The following GABRG1 variants were observed in gnomAD, a reference collection of about 807,000 sequenced individuals.
GABRG1 encodes gamma-aminobutyric acid type A receptor subunit gamma1.
Under a neutral mutation model 49.8 loss-of-function variants are expected in GABRG1, and 49 were observed. The observed-to-expected ratio is 0.98, with a 90% CI of 0.78 to 1.25. GABRG1 has a LOEUF of 1.25. Among genes scored for constraint, GABRG1 ranks in the 50% most tolerant of loss-of-function variants. The pLI, the probability that GABRG1 is intolerant of heterozygous loss-of-function variation, is 0.00. For missense variants in GABRG1, 552 were observed against 552.3 expected (o/e 1.00, Z 0.01); for synonymous variants, 232 against 185.1 (o/e 1.25, Z -2.06).
intron 7 of GABRG1, among the ~76,000 whole-genome samples, chr4:46,052,778 A>T (rs571537025): frequency 1.3e-5 from 2 of 152,062 alleles, no homozygotes; most frequent in East Asian, 3.9e-4. Flanking sequence ...GACAACATTT[A>T]TGATGAAAAG....
intron 3 of GABRG1, among the ~76,000 whole-genome samples, chr4:46,078,049 A>G (rs987441392): frequency 6.6e-6 from 1 of 151,780 alleles, no homozygotes; most frequent in Non-Finnish European, 1.5e-5. Flanking sequence ...ATTTTAAAAT[A>G]AGATCTGTTA....
At chr4:46,096,078 T>C (rs929680527) in intron 2 of GABRG1, among the ~76,000 whole-genome samples, 2 of 151,856 alleles carry the variant, frequency 1.3e-5, no homozygotes, top group Admixed American at 1.3e-4. Context: ...TTTTGTGTTC[T>C]TGTGTTAGTT....
intron 2 of GABRG1, among the ~76,000 whole-genome samples, chr4:46,084,840 T>A (rs2109423449): frequency 6.6e-6 from 1 of 151,788 alleles, no homozygotes; most frequent in South Asian, 2.1e-4. Flanking sequence ...TTTTACAATT[T>A]AACATAGGCT....
chr4:46,043,335 T>A (rs1717858285), intron 8 of GABRG1, among the ~76,000 whole-genome samples: 1 of 151,946 alleles, frequency 6.6e-6, no homozygotes, highest in Admixed American at 6.6e-5. Context: ...GAAATACATT[T>A]TAAATTGGCA....
intron 5 of GABRG1, among the ~76,000 whole-genome samples, chr4:46,062,722 C>G (rs1718748563): frequency 1.3e-5 from 2 of 152,150 alleles, no homozygotes; most frequent in Non-Finnish European, 2.9e-5. Context: ...AAGAGGAAGT[C>G]AAATTGTCCC....
intron 7 of GABRG1, among the ~76,000 whole-genome samples, chr4:46,057,580 G>A (rs1340850982): frequency 2.6e-5 from 4 of 151,988 alleles, no homozygotes; most frequent in African/African-American, 7.2e-5. Context: ...GCAATAGATT[G>A]TTACAGAAAA....
At chr4:46,097,178 C>A in intron 2 of GABRG1, 23 bp downstream of exon 2, 1 of 1,581,372 alleles carries the variant, frequency 6.3e-7, no homozygotes, top group East Asian at 2.3e-5. Context: ...CATCAAAATC[C>A]CAGAATGGTA....
rs1317846659 is a variant in GABRG1 at position 46,038,562 on chromosome 4, A to C, written c.*2426T>G. 2 of 151,680 alleles carry C rather than the reference A, an allele frequency of 1.3e-5. No individual in the cohort carries two copies. Among genetic ancestry groups the C allele is most frequent in the East Asian group, 3.9e-4 (2 of 5,174 alleles). The allele number at this position is 151,680 out of a possible 1,614,324, so 9.4% of individuals were successfully genotyped here. A position where few individuals can be genotyped will look rare whatever the true frequency, so the allele number is the denominator to read the frequency against. On this transcript the variant is annotated 3_prime_UTR_variant, in exon 9 of 9. Transcript: ENST00000295452. Reference sequence around the variant, plus strand: ...AGAGAAAGAGGAAGATTTTTTAAAAAAATTATTTCTCAAGGTGGTGAAACT... The same window carrying C: ...AGAGAAAGAGGAAGATTTTTTAAAACAATTATTTCTCAAGGTGGTGAAACT...
chr4:46,095,375 C>A (rs935351431), intron 2 of GABRG1, among the ~76,000 whole-genome samples: 3 of 151,580 alleles, frequency 2.0e-5, no homozygotes, highest in African/African-American at 7.3e-5. Flanking sequence ...GAAGTAAATG[C>A]ATTTTCCCAA....
At chr4:46,043,766 A>T (rs1717875309) in intron 8 of GABRG1, among the ~76,000 whole-genome samples, 2 of 152,058 alleles carry the variant, frequency 1.3e-5, no homozygotes, top group African/African-American at 2.4e-5. Flanking sequence ...AAATTTCAAA[A>T]ATTACTAAGA....
intron 3 of GABRG1, among the ~76,000 whole-genome samples, chr4:46,065,869 C>G (rs1718899394): frequency 6.6e-6 from 1 of 152,042 alleles, no homozygotes; most frequent in African/African-American, 2.4e-5. Flanking sequence ...ACAACAGGCA[C>G]CCGCCACCAC....
At position 46,123,871 on chromosome 4, in the gene GABRG1, G is replaced by A; in HGVS notation, c.43C>T (p.Arg15Trp). The A allele has an allele frequency of 6.2e-7, 1 of 1,613,618 alleles. No individual in the cohort carries two copies. Among genetic ancestry groups the A allele is most frequent in the Non-Finnish European group, 8.5e-7 (1 of 1,179,742 alleles). The change falls in exon 1 of 9, where the codon CGG (arginine) becomes TGG (tryptophan). Residue 15 changes from arginine to tryptophan, a missense_variant. Arg to Trp is a moderately radical substitution (Grantham distance 101). Coordinates refer to ENST00000295452, the MANE Select transcript of GABRG1 (RefSeq NM_173536.4). ...AACCTCACCCCTCTACTTTGACTCC[G>A]CAGAAGAAAAGGGGAGAAGAGAAAA... The part of the protein sequence containing the change: ...KAFLFSPFLL[R>W]SQSRGVRLVF...
At chr4:46,047,098 T>C (rs879374564) in intron 8 of GABRG1, among the ~76,000 whole-genome samples, 11 of 152,112 alleles carry the variant, frequency 7.2e-5, no homozygotes, top group African/African-American at 1.4e-4. Flanking sequence ...TTCAATATGA[T>C]AGCCGTAAGT....
Position 46,117,578 on chromosome 4 carries a change from C to CTCTGTCTCTCTCTTTCTG in GABRG1, c.104+6231_104+6232insCAGAAAGAGAGAGACAGA, listed in dbSNP as rs1553884381. ...TCTCTCTCTCTCTCTCTCTCTCTCT[C>CTCTGTCTCTCTCTTTCTG]TCTGTCTCTCTTTGTCTCTCTCTCT... is the stretch of plus-strand genomic sequence containing the variant. On this transcript the variant is annotated intron_variant, in intron 1 of 8. Transcript: ENST00000295452. Among the ~76,000 whole-genome samples the CTCTGTCTCTCTCTTTCTG allele has an allele frequency of 5.2e-3, 746 of 143,378 alleles. 8 individuals are homozygous for CTCTGTCTCTCTCTTTCTG. Among genetic ancestry groups the CTCTGTCTCTCTCTTTCTG allele is most frequent in the African/African-American group, 0.018 (676 of 37,940 alleles). 94.1% of individuals were successfully genotyped at this position (143,378 alleles called of 152,430 possible). A position where few individuals can be genotyped will look rare whatever the true frequency, so the allele number is the denominator to read the frequency against.
intron 3 of GABRG1, among the ~76,000 whole-genome samples, chr4:46,077,631 G>T (rs1196984193): frequency 6.6e-6 from 1 of 151,320 alleles, no homozygotes; most frequent in African/African-American, 2.4e-5. Flanking sequence ...AATTTTTTTT[G>T]CCTTTTCCCT....
chr4:46,093,449 G>C (rs1388230292), intron 2 of GABRG1, among the ~76,000 whole-genome samples: 9 of 152,048 alleles, frequency 5.9e-5, no homozygotes, highest in Non-Finnish European at 1.2e-4. Flanking sequence ...GGTTACCAGA[G>C]GGTAGTGAGG....
At chr4:46,078,738 T>G (rs1050304099) in intron 3 of GABRG1, among the ~76,000 whole-genome samples, 1 of 152,022 alleles carries the variant, frequency 6.6e-6, no homozygotes, top group Non-Finnish European at 1.5e-5. Context: ...CTCACCATTT[T>G]GAACTGCCTC....
chr4:46,040,797 C>A lies in GABRG1; in HGVS notation c.*191G>T, dbSNP rs889652215. 15 of 470,926 alleles carry A rather than the reference C, an allele frequency of 3.2e-5. No homozygotes were observed. The highest frequency in any genetic ancestry group is 1.0e-4 in the East Asian group (3 of 29,566). 29.2% of individuals were successfully genotyped at this position (470,926 alleles called of 1,614,324 possible). On this transcript the variant is annotated 3_prime_UTR_variant, in exon 9 of 9. Transcript: ENST00000295452. ...TAACCTACTGGATTTTGCAACTAAT[C>A]AGTTTCACGTAAATTAGCCTGAAAG... is the stretch of plus-strand genomic sequence containing the variant.
chr4:46,036,565 C>G lies in GABRG1; in HGVS notation c.*4423G>C, dbSNP rs1404701263. 6.6e-6 allele frequency: 1 copy of G among 151,898 alleles called. No individual in the cohort carries two copies. Among genetic ancestry groups the G allele is most frequent in the African/African-American group, 2.4e-5 (1 of 41,408 alleles). 9.4% of individuals were successfully genotyped at this position (151,898 alleles called of 1,614,324 possible). On this transcript the variant is annotated 3_prime_UTR_variant, in exon 9 of 9. Transcript: ENST00000295452. The stretch of plus-strand genomic sequence containing the variant: ...TGCAAGCAAGTATCTACTACAGGAT[C>G]CCTTCCACCCAACACACCATGTCTC...
Sources: gnomAD v4.1 joint callset for allele counts (sites outside exome capture counted in the v4.1 genomes callset) on GRCh38, gnomAD v4.1.1 for gene constraint, MANE v1.5 for transcripts, NCBI Gene and HGNC (gene_info 2026-07-23, HGNC 2026-07-21) for gene names.